The following KIR3DL1 variants were observed in gnomAD, a reference collection of about 807,000 sequenced individuals.
The protein encoded by KIR3DL1 is killer cell immunoglobulin-like receptor 3DL1.
In KIR3DL1, 50 loss-of-function variants were observed where a neutral mutation model predicts 40.3. The observed-to-expected ratio is 1.24, with a 90% CI of 0.99 to 1.57. The LOEUF (loss-of-function observed/expected upper bound fraction) is 1.57. KIR3DL1 is among the 40% of genes most tolerant of loss of function. The pLI, the probability that KIR3DL1 is intolerant of heterozygous loss-of-function variation, is 0.00. For synonymous variants in KIR3DL1, 257 were observed against 207.2 expected (o/e 1.24, Z -2.07); for missense variants, 661 against 559.9 (o/e 1.18, Z -1.82).
chr19:54,826,224 G>T (rs2061881131), intron 6 of KIR3DL1, among the ~76,000 whole-genome samples: 1 of 150,276 alleles, frequency 6.7e-6, no homozygotes, highest in African/African-American at 2.5e-5. Context: ...ATTGCAGATG[G>T]TTAAATGGGA....
chr19:54,824,449 G>T (rs1272635801), intron 5 of KIR3DL1, among the ~76,000 whole-genome samples: 1 of 151,446 alleles, frequency 6.6e-6, no homozygotes, highest in Non-Finnish European at 1.5e-5. Flanking sequence ...GGCCGAGGCG[G>T]GTGGATCACC....
At chr19:54,826,739 G>A (rs1457274855) in intron 6 of KIR3DL1, among the ~76,000 whole-genome samples, 1 of 150,966 alleles carries the variant, frequency 6.6e-6, no homozygotes, top group Non-Finnish European at 1.5e-5. Flanking sequence ...TGAAAGATTG[G>A]CGGAAGGATT....
intron 6 of KIR3DL1, among the ~76,000 whole-genome samples, chr19:54,827,260 T>C (rs2061949961): frequency 6.6e-6 from 1 of 151,346 alleles, no homozygotes; most frequent in African/African-American, 2.5e-5. Context: ...GAGTGACAGA[T>C]ATATGAGGGG....
chr19:54,817,024 A>T, intron 1 of KIR3DL1, among the ~76,000 whole-genome samples: 1 of 140,890 alleles, frequency 7.1e-6, no homozygotes, highest in African/African-American at 2.8e-5. Context: ...TGAAGTGGAG[A>T]TCTGGGCCTG....
At position 54,823,244 on chromosome 19, in the gene KIR3DL1, G is replaced by T. The variant is rs562618407; in HGVS notation, c.949+1386G>T. ...CACAGACGGGATATCCCAATTTTGG[G>T]CAGGCTGCTCTCAAACTCCTGACCT... On this transcript the variant is annotated intron_variant, in intron 5 of 8. Coordinates refer to ENST00000391728, the Ensembl canonical transcript of KIR3DL1. 2.4e-4 allele frequency among the ~76,000 whole-genome samples: 36 copies of T among 150,834 alleles called. 1 individual carries two copies. Among genetic ancestry groups the T allele is most frequent in the African/African-American group, 7.8e-4 (32 of 40,806 alleles).
At chr19:54,820,280 C>G (rs1016049541) in intron 4 of KIR3DL1, among the ~76,000 whole-genome samples, 2 of 151,414 alleles carry the variant, frequency 1.3e-5, no homozygotes, top group Admixed American at 6.6e-5. Context: ...ACAGACATGT[C>G]CCAGAGAGAG....
chr19:54,817,707 C>G, intron 2 of KIR3DL1, 138 bp downstream of exon 2: 1 of 705,400 alleles, frequency 1.4e-6, no homozygotes, highest in South Asian at 1.7e-5. Flanking sequence ...CATTTCTGAC[C>G]TTGCCTTCCC....
intron 4 of KIR3DL1, 32 bp from the exon 5 acceptor site, chr19:54,821,533 C>T (rs1476527848): frequency 1.9e-6 from 3 of 1,590,006 alleles, no homozygotes; most frequent in East Asian, 2.2e-5. Flanking sequence ...AAGGAAGAAC[C>T]TCCCTGAGGA....
intron 6 of KIR3DL1, among the ~76,000 whole-genome samples, chr19:54,825,428 GC>G (rs2061833797): frequency 1.4e-5 from 2 of 143,220 alleles, no homozygotes; most frequent in South Asian, 2.5e-4. Context: ...TCTGATGAGG[GC>G]GAGGTGTTTT....
rs145262243 is a variant in KIR3DL1, at chr19:54,818,396, A to G, written c.152A>G (p.Tyr51Cys). ...GGACACGTGACTCTTCGGTGTCACT[A>G]TCGTCATAGGTTTAACAATTTCATG... is the stretch of plus-strand genomic sequence containing the variant. Residue 51 changes from tyrosine (Y) to cysteine (C), a missense_variant, in exon 3 of 9, where the codon TAT (tyrosine) becomes TGT (cysteine). This residue lies in a region of KIR3DL1 where 548 missense variants were observed against 413.3 expected (regional missense o/e 1.33). Transcript: ENST00000391728. 7.3e-3 allele frequency: 11,808 copies of G among 1,606,938 alleles called. 307 individuals carry two copies. The highest frequency in any genetic ancestry group is 9.9e-3 in the Middle Eastern group (60 of 6,046).
intron 1 of KIR3DL1, 63 bp from the exon 2 acceptor site, chr19:54,817,471 G>T (rs1412733959): frequency 9.0e-6 from 12 of 1,327,418 alleles, no homozygotes; most frequent in Non-Finnish European, 1.2e-5. Context: ...ACAGCCCAGT[G>T]GGGGCAGCAG....
exon 4 of KIR3DL1, chr19:54,819,964 C>A (rs2273731): frequency 1.8e-5 from 29 of 1,611,164 alleles, no homozygotes; most frequent in Non-Finnish European, 2.4e-5. Flanking sequence ...TACTCACACC[C>A]CCTATCAGTT....
At chr19:54,822,883 T>C (rs1288801408) in intron 5 of KIR3DL1, among the ~76,000 whole-genome samples, 1 of 141,734 alleles carries the variant, frequency 7.1e-6, no homozygotes, top group African/African-American at 2.6e-5. Flanking sequence ...ATTCACCCAC[T>C]GATGGGCAGG....
intron 3 of KIR3DL1, 145 bp downstream of exon 3, chr19:54,818,744 G>A (rs2061485820): frequency 5.5e-6 from 6 of 1,088,156 alleles, no homozygotes; most frequent in Admixed American, 5.0e-5. Context: ...AATGGGTGCT[G>A]TGGTGGGAAG....
At chr19:54,823,548 A>G (rs1373674091) in intron 5 of KIR3DL1, among the ~76,000 whole-genome samples, 6 of 151,282 alleles carry the variant, frequency 4.0e-5, no homozygotes, top group African/African-American at 1.5e-4. Flanking sequence ...CCCAGGCTGG[A>G]GTGCAAGGGT....
At chr19:54,822,373 T>G (rs1289928744) in intron 5 of KIR3DL1, among the ~76,000 whole-genome samples, 2 of 151,338 alleles carry the variant, frequency 1.3e-5, no homozygotes, top group Non-Finnish European at 2.9e-5. Context: ...GGTTGTAATC[T>G]CGGCGCTTTG....
exon 1 of KIR3DL1, chr19:54,816,520 G>A (rs1418339927): frequency 1.2e-6 from 2 of 1,608,362 alleles, no homozygotes; most frequent in Admixed American, 1.7e-5. Flanking sequence ...ATGGTCGTCA[G>A]CATGGCGTGT....
At chr19:54,822,304 T>G (rs577270077) in intron 5 of KIR3DL1, among the ~76,000 whole-genome samples, 3 of 151,428 alleles carry the variant, frequency 2.0e-5, no homozygotes, top group African/African-American at 7.3e-5. Context: ...CCTTTACCAT[T>G]TTTAAAAGTA....
intron 5 of KIR3DL1, 121 bp downstream of exon 5, chr19:54,821,979 G>A (rs2061663612): frequency 8.0e-7 from 1 of 1,250,304 alleles, no homozygotes; most frequent in Admixed American, 2.0e-5. Context: ...AGGTGTGAGG[G>A]CGGAGTCAGG....
Sources: allele counts gnomAD v4.1 joint callset (sites outside exome capture counted in the v4.1 genomes callset), GRCh38; gene constraint gnomAD v4.1.1; regional missense constraint gnomAD v4.1.1; transcripts MANE v1.5; gene names NCBI Gene and HGNC (gene_info 2026-07-23, HGNC 2026-07-21).